The following FBRSL1 variants were observed in gnomAD, a reference collection of about 807,000 sequenced individuals.
The protein encoded by FBRSL1 is fibrosin like 1, also known as fibrosin-1-like protein.
Under a neutral mutation model 89.6 loss-of-function variants are expected in FBRSL1, and 51 were observed. That is an observed-to-expected ratio of 0.57 (90% CI 0.45 to 0.72). FBRSL1 has a LOEUF of 0.72. Ranked by LOEUF, FBRSL1 falls within the 30% of genes least tolerant of loss-of-function variation. The pLI is 0.00. For missense variants in FBRSL1, 1,618 were observed against 1,451.8 expected, an observed-to-expected ratio of 1.11 and a Z score of -1.86; for synonymous variants, 779 against 681.1, an observed-to-expected ratio of 1.14 and a Z score of -2.24.
At chr12:132,558,339 C>A (rs1163526419) in intron 5 of FBRSL1, among the ~76,000 whole-genome samples, 17 of 152,240 alleles carry the variant, frequency 1.1e-4, no homozygotes, top group Admixed American at 1.1e-3. Flanking sequence ...ACAGAGCAGC[C>A]ACGCCAGCAG....
chr12:132,569,069 G>A (rs2137837117), intron 6 of FBRSL1, among the ~76,000 whole-genome samples: 1 of 152,276 alleles, frequency 6.6e-6, no homozygotes, highest in South Asian at 2.1e-4. Context: ...TGTTTCTCCT[G>A]CGAAACTGGC....
Position 132,510,651 on chromosome 12 carries a change from C to T in FBRSL1, c.489+2301C>T, listed in dbSNP as rs889738461. ...AGAGGCGGGAGCCCCTACAGTGCCA[C>T]GATCAGGCTGAGGCTCACCACACCA... On this transcript the variant is annotated intron_variant, in intron 2 of 18. Coordinates refer to ENST00000680143, the MANE Select transcript of FBRSL1 (RefSeq NM_001367871.1). 2.6e-5 allele frequency: 32 copies of T among 1,229,666 alleles called. 1 individual carries two copies. The highest frequency in any genetic ancestry group is 3.0e-5 in the Non-Finnish European group (30 of 987,262). 76.2% of individuals were successfully genotyped at this position (1,229,666 alleles called of 1,614,324 possible).
intron 4 of FBRSL1, among the ~76,000 whole-genome samples, chr12:132,547,434 C>T (rs1349052834): frequency 1.3e-5 from 2 of 152,208 alleles, no homozygotes; most frequent in Non-Finnish European, 2.9e-5. Flanking sequence ...AGTGTCTAAC[C>T]CTGAGCGGCC....
chr12:132,493,472 C>A (rs2031456388), intron 1 of FBRSL1, among the ~76,000 whole-genome samples: 1 of 152,172 alleles, frequency 6.6e-6, no homozygotes, highest in Non-Finnish European at 1.5e-5. Context: ...CACCCCAGAC[C>A]CCACACACAC....
At chr12:132,568,811 G>A (rs1347329187) in intron 6 of FBRSL1, among the ~76,000 whole-genome samples, 2 of 152,078 alleles carry the variant, frequency 1.3e-5, no homozygotes, top group Non-Finnish European at 2.9e-5. Flanking sequence ...CTCTGTGGTC[G>A]CTGGGTGGTG....
At chr12:132,520,945 G>T (rs2136839348) in intron 2 of FBRSL1, among the ~76,000 whole-genome samples, 1 of 152,350 alleles carries the variant, frequency 6.6e-6, no homozygotes, top group East Asian at 1.9e-4. Flanking sequence ...AGCTGGTAGG[G>T]ACTGTGGGAG....
intron 2 of FBRSL1, among the ~76,000 whole-genome samples, chr12:132,522,068 C>T (rs2035407019): frequency 6.6e-6 from 1 of 151,946 alleles, no homozygotes; most frequent in Non-Finnish European, 1.5e-5. Context: ...TGTGGGTCTG[C>T]GTGGGTCTCT....
intron 2 of FBRSL1, chr12:132,510,026 C>T (rs1050618326): frequency 2.4e-6 from 3 of 1,231,442 alleles, no homozygotes; most frequent in Non-Finnish European, 3.0e-6. Context: ...TAGTGGAAGC[C>T]CCAGAGCAGC....
At chr12:132,511,610 C>T (rs1430513427) in intron 2 of FBRSL1, 20 of 985,512 alleles carry the variant, frequency 2.0e-5, no homozygotes, top group African/African-American at 5.2e-5. Context: ...ACCACCTGGA[C>T]CCCTGCGCCA....
chr12:132,551,492 G>A (rs1323701353), intron 5 of FBRSL1: 2 of 456,332 alleles, frequency 4.4e-6, no homozygotes, highest in Admixed American at 2.3e-5. Flanking sequence ...CGGAGTGGTG[G>A]GGAGGGCGCG....
At chr12:132,578,447 G>A (rs899584218) in intron 15 of FBRSL1, among the ~76,000 whole-genome samples, 2 of 152,036 alleles carry the variant, frequency 1.3e-5, no homozygotes, top group Admixed American at 1.3e-4. Context: ...TCCTCACACG[G>A]AGTGGGCTGA....
intron 4 of FBRSL1, among the ~76,000 whole-genome samples, chr12:132,538,040 A>G (rs1416219729): frequency 6.6e-6 from 1 of 152,056 alleles, no homozygotes; most frequent in Admixed American, 6.5e-5. Flanking sequence ...GAAGAAGAGC[A>G]TTGGGGGAAC....
At chr12:132,559,919 G>T (rs1305173736) in intron 5 of FBRSL1, 1 of 149,116 alleles carries the variant, frequency 6.7e-6, no homozygotes, top group Non-Finnish European at 1.5e-5. Context: ...AGTCGGGTCT[G>T]CCCGCGCCCC....
rs570293286 is a variant in FBRSL1, at chr12:132,576,772, C to T, written c.1702-27C>T. The T allele has an allele frequency of 6.9e-5, 107 of 1,542,746 alleles. 1 individual carries two copies. The East Asian group carries it at 1.3e-3, about 19-fold the overall frequency. Reference sequence around the variant, plus strand: ...TGTTCAGGGCCAGTCCCCGGGCAGGCGGCCCTCACCCGTTCTATCCTCCCA... The same window carrying T: ...TGTTCAGGGCCAGTCCCCGGGCAGGTGGCCCTCACCCGTTCTATCCTCCCA... On this transcript the variant is annotated intron_variant, in intron 14 of 18. Transcript: ENST00000680143.
chr12:132,540,448 T>A (rs916443370), intron 4 of FBRSL1, among the ~76,000 whole-genome samples: 4 of 149,888 alleles, frequency 2.7e-5, no homozygotes, highest in Non-Finnish European at 4.4e-5. Flanking sequence ...CCCGGCCACC[T>A]ACCCACCCTG....
intron 5 of FBRSL1, among the ~76,000 whole-genome samples, chr12:132,563,019 C>CCCACAGCCTGCACCCCACG (rs2039273235): frequency 1.4e-5 from 2 of 144,234 alleles, no homozygotes; most frequent in African/African-American, 5.2e-5. Context: ...ACACCTGGCC[C>CCCACAGCCTGCACCCCACG]CCACAGCCTG....
At chr12:132,532,917 G>A (rs1193011480) in intron 4 of FBRSL1, among the ~76,000 whole-genome samples, 2 of 152,190 alleles carry the variant, frequency 1.3e-5, no homozygotes, top group Admixed American at 6.5e-5. Flanking sequence ...AGCCGCTGGG[G>A]TCCCGCTGCC....
In FBRSL1 at chr12:132,497,926, G is replaced by C. The variant is rs374738868; in HGVS notation, c.291+7065G>C. 3.2e-4 allele frequency among the ~76,000 whole-genome samples: 49 copies of C among 152,260 alleles called. 2 individuals are homozygous for C. Among genetic ancestry groups the C allele is most frequent in the Middle Eastern group, 6.8e-3 (2 of 294 alleles). ...CATGTGCCTCCCCTAGAGACCCCTC[G>C]GGCCTGGTGTCCTCCCCGGCCCCAC... On this transcript the variant is annotated intron_variant, in intron 1 of 18. Coordinates refer to ENST00000680143, the MANE Select transcript of FBRSL1 (RefSeq NM_001367871.1).
chr12:132,523,877 CAG>C (rs1371448637), intron 2 of FBRSL1, among the ~76,000 whole-genome samples: 3 of 152,182 alleles, frequency 2.0e-5, no homozygotes, highest in Non-Finnish European at 4.4e-5. Flanking sequence ...CAGAGGTGGA[CAG>C]AACCCCTGAT....
Sources: allele counts gnomAD v4.1 joint callset (sites outside exome capture counted in the v4.1 genomes callset), GRCh38; gene constraint gnomAD v4.1.1; transcripts MANE v1.5; gene names NCBI Gene and HGNC (gene_info 2026-07-23, HGNC 2026-07-21).